The following NID1 variants were observed in gnomAD, a reference collection of about 807,000 sequenced individuals.
NID1 encodes the protein nidogen-1.
A neutral mutation model predicts 130.6 loss-of-function variants in NID1; 76 were observed. The ratio of observed to expected loss-of-function variants is 0.58; its 90% confidence interval spans 0.48 to 0.70. The LOEUF (loss-of-function observed/expected upper bound fraction) is 0.70. NID1 is among the 30% of genes least tolerant of loss of function. The pLI is 0.00. For missense variants in NID1, 1,517 were observed against 1,664.8 expected, an observed-to-expected ratio of 0.91 and a Z score of 1.54; for synonymous variants, 665 against 675.1, an observed-to-expected ratio of 0.98 and a Z score of 0.23.
intron 9 of NID1, 143 bp downstream of exon 9, chr1:236,023,927 T>C (rs954867197): frequency 9.7e-5 from 105 of 1,083,204 alleles, no homozygotes; most frequent in East Asian, 5.0e-5. Context: ...ATGTGAAGCA[T>C]AAATAATTCA....
At chr1:236,039,603 T>C (rs1659388697) in intron 4 of NID1, among the ~76,000 whole-genome samples, 1 of 152,146 alleles carries the variant, frequency 6.6e-6, no homozygotes, top group South Asian at 2.1e-4. Context: ...CTCATTATAT[T>C]TAATAATCCC....
In NID1 at chr1:236,024,210, C is replaced by T. The variant is rs990762061; in HGVS notation, c.1988G>A (p.Gly663Asp). 2 of 1,614,078 alleles carry T rather than the reference C, an allele frequency of 1.2e-6. No homozygotes were observed. Among genetic ancestry groups the T allele is most frequent in the Non-Finnish European group, 8.5e-7 (1 of 1,180,026 alleles). ...GGGATTCTGAAGAGCATCAGGGGAG[C>T]CTTCTGTGAAGACAGAGACATTGGA... ...LSNSIGPVREGSPDALQNPCY... is the reference protein window; with the variant it reads ...LSNSIGPVREDSPDALQNPCY... The change falls in exon 9 of 20, where the codon GGC becomes GAC. Residue 663 changes from glycine (G) to aspartate (D), a missense_variant. By Grantham distance (94) the Gly-to-Asp change is moderately conservative. Coordinates refer to ENST00000264187, the MANE Select transcript of NID1 (RefSeq NM_002508.3).
chr1:236,063,481 A>T (rs996554215), intron 1 of NID1, among the ~76,000 whole-genome samples: 2 of 143,314 alleles, frequency 1.4e-5, no homozygotes, highest in African/African-American at 2.8e-5. Context: ...CAAAAAAAAA[A>T]ATAAATAAAT....
chr1:236,040,479 T>C (rs181078300), intron 4 of NID1, among the ~76,000 whole-genome samples: 1 of 152,114 alleles, frequency 6.6e-6, no homozygotes, highest in Admixed American at 6.5e-5. Flanking sequence ...TAAAAATGAG[T>C]GAACAGTGTG....
chr1:235,981,546 C>T (rs1209614291), intron 16 of NID1, 65 bp downstream of exon 16: 1 of 1,523,042 alleles, frequency 6.6e-7, no homozygotes, highest in African/African-American at 1.4e-5. Context: ...AGCCTCACAT[C>T]TGAGAATCTC....
At chr1:235,988,307 A>T (rs1213049253) in intron 14 of NID1, among the ~76,000 whole-genome samples, 2 of 152,234 alleles carry the variant, frequency 1.3e-5, no homozygotes, top group African/African-American at 4.8e-5. Context: ...GTCATAAATT[A>T]TTAGGAAAAT....
intron 13 of NID1, among the ~76,000 whole-genome samples, chr1:235,993,027 C>T (rs1657802355): frequency 6.6e-6 from 1 of 152,212 alleles, no homozygotes; most frequent in South Asian, 2.1e-4. Flanking sequence ...ACACAGGGCC[C>T]CTGGCCCCCA....
intron 13 of NID1, 100 bp from the exon 14 acceptor site, chr1:235,991,158 T>G: frequency 1.0e-6 from 1 of 975,158 alleles, no homozygotes; most frequent in Non-Finnish European, 1.5e-6. Flanking sequence ...TGCACACACA[T>G]ACACACACCC....
At chr1:236,036,118 T>G (rs1370764364) in intron 5 of NID1, among the ~76,000 whole-genome samples, 2 of 151,918 alleles carry the variant, frequency 1.3e-5, no homozygotes, top group African/African-American at 4.8e-5. Flanking sequence ...GGCTAAGAGG[T>G]TGCTCTTTAA....
intron 1 of NID1, among the ~76,000 whole-genome samples, chr1:236,060,444 A>G (rs981800570): frequency 1.3e-5 from 2 of 152,146 alleles, no homozygotes; most frequent in African/African-American, 2.4e-5. Flanking sequence ...CCTTTGACTT[A>G]GAATGCCTTA....
At chr1:236,006,363 C>T (rs1658248941) in intron 12 of NID1, among the ~76,000 whole-genome samples, 1 of 152,150 alleles carries the variant, frequency 6.6e-6, no homozygotes, top group Non-Finnish European at 1.5e-5. Context: ...CAGACATACA[C>T]TCCCGATGAA....
chr1:235,993,157 C>T (rs753647375), intron 13 of NID1, among the ~76,000 whole-genome samples: 37 of 152,236 alleles, frequency 2.4e-4, no homozygotes, highest in Non-Finnish European at 3.8e-4. Flanking sequence ...CCCTAGGGCA[C>T]GACTGAAGGA....
chr1:236,015,368 C>T (rs753862830), intron 10 of NID1, among the ~76,000 whole-genome samples: 3 of 152,030 alleles, frequency 2.0e-5, no homozygotes, highest in African/African-American at 4.8e-5. Flanking sequence ...ATATGTAGGC[C>T]GGGCGTGGTG....
intron 10 of NID1, among the ~76,000 whole-genome samples, chr1:236,015,667 A>AAG (rs56840631): frequency 6.7e-6 from 1 of 149,840 alleles, no homozygotes; most frequent in African/African-American, 2.4e-5. Flanking sequence ...AAAAAAAAAA[A>AAG]GGGAGGCTAG....
At chr1:235,989,070 T>A (rs1008016625) in intron 14 of NID1, among the ~76,000 whole-genome samples, 2 of 98,934 alleles carry the variant, frequency 2.0e-5, no homozygotes, top group Non-Finnish European at 3.6e-5. Flanking sequence ...AATTATCTGC[T>A]TTTTTTTTTT....
chr1:236,032,343 G>A, intron 6 of NID1, 58 bp downstream of exon 6: 2 of 1,577,988 alleles, frequency 1.3e-6, no homozygotes, highest in South Asian at 1.2e-5. Flanking sequence ...TCCATCCCCA[G>A]GCCTCCCCCT....
intron 9 of NID1, among the ~76,000 whole-genome samples, 161 bp from the exon 10 acceptor site, chr1:236,017,434 G>A (rs563395487): frequency 1.3e-5 from 2 of 151,720 alleles, no homozygotes; most frequent in South Asian, 4.2e-4. Flanking sequence ...GCCCAGAGCT[G>A]GAGTGCAATG....
chr1:235,991,188 C>T, intron 13 of NID1, 130 bp from the exon 14 acceptor site: 1 of 704,362 alleles, frequency 1.4e-6, no homozygotes. Flanking sequence ...GTCACATCAC[C>T]TTCATGGCAC....
chr1:235,985,033 A>G (rs1558421053), intron 15 of NID1, among the ~76,000 whole-genome samples: 1 of 152,004 alleles, frequency 6.6e-6, no homozygotes, highest in Non-Finnish European at 1.5e-5. Flanking sequence ...ACTAAAAAAA[A>G]ATACAAAAAA....
Sources: gnomAD v4.1 joint callset for allele counts (sites outside exome capture counted in the v4.1 genomes callset) on GRCh38, gnomAD v4.1.1 for gene constraint, MANE v1.5 for transcripts, NCBI Gene and HGNC (gene_info 2026-07-23, HGNC 2026-07-21) for gene names.